Variants in KAT7 observed in about 807,000 individuals in gnomAD.
The protein encoded by KAT7 is lysine acetyltransferase 7.
A neutral mutation model predicts 82.1 loss-of-function variants in KAT7; 10 were observed. That is an observed-to-expected ratio of 0.12 (90% CI 0.08 to 0.21). KAT7 has a LOEUF of 0.21. KAT7 is among the 10% of genes least tolerant of loss of function. The probability of loss-of-function intolerance (pLI) is 1.00; values close to 1 mark genes in which losing one functional copy is unlikely to be tolerated. For synonymous variants in KAT7, 250 were observed against 262.5 expected, an observed-to-expected ratio of 0.95 and a Z score of 0.46; for missense variants, 378 against 760.9, an observed-to-expected ratio of 0.50 and a Z score of 5.92.
intron 9 of KAT7, among the ~76,000 whole-genome samples, chr17:49,819,982 C>T (rs1020085447): frequency 9.2e-5 from 14 of 152,328 alleles, no homozygotes; most frequent in African/African-American, 2.9e-4. Flanking sequence ...GGGCCAGGTG[C>T]GGTGGCTCAT....
At chr17:49,790,000 C>A (rs1213302420) in intron 1 of KAT7, 2 of 152,224 alleles carry the variant, frequency 1.3e-5, no homozygotes, top group African/African-American at 4.8e-5. Flanking sequence ...TTAAGATTCC[C>A]CCTTCATTTC....
chr17:49,794,227 T>C lies in KAT7; in HGVS notation c.163+2194T>C, dbSNP rs77198474. On this transcript the variant is annotated intron_variant, in intron 2 of 14. Coordinates refer to ENST00000259021, the MANE Select transcript of KAT7 (RefSeq NM_007067.5). ...GGCTGTGAGAGGGGTTTGCATAGAG[T>C]ACTACATAAGCCCAGAGGTGGGACA... is the stretch of plus-strand genomic sequence containing the variant. Among the ~76,000 whole-genome samples the C allele has an allele frequency of 6.0e-3, 920 of 152,164 alleles. 10 individuals carry two copies. Among genetic ancestry groups the C allele is most frequent in the African/African-American group, 0.021 (884 of 41,508 alleles).
At chr17:49,815,948 G>T (rs757854135) in intron 8 of KAT7, 35 bp downstream of exon 8, 17 of 1,274,988 alleles carry the variant, frequency 1.3e-5, no homozygotes, top group Non-Finnish European at 1.9e-5. Flanking sequence ...AAGGCCGCTT[G>T]TGAAAGGTGC....
Position 49,792,031 on chromosome 17 carries a change from A to G in KAT7, c.161A>G (p.Gln54Arg), listed in dbSNP as rs1373282777. Residue 54 changes from glutamine (Q) to arginine (R), a missense_variant and splice_region_variant, in exon 2 of 15, where the codon CAA (glutamine) becomes CGA (arginine). Physicochemically the swap from Gln to Arg is conservative, Grantham distance 43. This residue lies in a region of KAT7 where 161 missense variants were observed against 229.6 expected (regional missense o/e 0.70). Coordinates refer to ENST00000259021, the MANE Select transcript of KAT7 (RefSeq NM_007067.5). ...RSSARLSQSS[Q>R]DSSPVRNLQS... Reference sequence around the variant, plus strand: ...TCAGCCAGGCTAAGCCAGAGTTCTCAAGGTAAAAAAACCTTCATTTTTCCT... The same window carrying G: ...TCAGCCAGGCTAAGCCAGAGTTCTCGAGGTAAAAAAACCTTCATTTTTCCT... 2.5e-6 allele frequency: 4 copies of G among 1,613,502 alleles called. No homozygotes were observed. Among genetic ancestry groups the G allele is most frequent in the Non-Finnish European group, 3.4e-6 (4 of 1,179,620 alleles).
At chr17:49,825,947 A>T in intron 12 of KAT7, 53 bp from the exon 13 acceptor site, 1 of 1,552,350 alleles carries the variant, frequency 6.4e-7, no homozygotes, top group Admixed American at 1.9e-5. Context: ...GTTTTTTGCT[A>T]TTAGGATAAG....
At chr17:49,807,515 C>T (rs2074106321) in intron 5 of KAT7, among the ~76,000 whole-genome samples, 1 of 152,170 alleles carries the variant, frequency 6.6e-6, no homozygotes, top group African/African-American at 2.4e-5. Flanking sequence ...CATAAAGGAC[C>T]TTGTGGACCT....
chr17:49,791,615 G>T (rs1191199143), intron 1 of KAT7, among the ~76,000 whole-genome samples: 1 of 152,208 alleles, frequency 6.6e-6, no homozygotes, highest in Non-Finnish European at 1.5e-5. Flanking sequence ...CCACGATTGC[G>T]CCCTTGCACT....
intron 12 of KAT7, chr17:49,824,515 A>G (rs1474712065): frequency 6.6e-6 from 1 of 152,188 alleles, no homozygotes; most frequent in East Asian, 1.9e-4. Flanking sequence ...ATGTGCCACC[A>G]CGCCCAGCTA....
At chr17:49,821,272 C>G in intron 9 of KAT7, 65 bp from the exon 10 acceptor site, 1 of 1,215,526 alleles carries the variant, frequency 8.2e-7, no homozygotes, top group Non-Finnish European at 1.2e-6. Flanking sequence ...CATTCCTTTT[C>G]CCTTTTGAGG....
chr17:49,819,955 A>T (rs546474801), intron 9 of KAT7, among the ~76,000 whole-genome samples: 1 of 152,368 alleles, frequency 6.6e-6, no homozygotes, highest in East Asian at 1.9e-4. Flanking sequence ...AAATTTGCTT[A>T]ATAGAAAGTG....
chr17:49,794,406 C>G (rs2073928306), intron 2 of KAT7, among the ~76,000 whole-genome samples: 1 of 152,248 alleles, frequency 6.6e-6, no homozygotes, highest in South Asian at 2.1e-4. Context: ...CTGCCCCAGC[C>G]TCCCAAGTAG....
Position 49,833,960 on chromosome 17 carries a change from A to G in KAT7, c.*6458A>G, listed in dbSNP as rs930424755. On this transcript the variant is annotated 3_prime_UTR_variant, in exon 15 of 15. Coordinates refer to ENST00000259021, the MANE Select transcript of KAT7 (RefSeq NM_007067.5). ...TAGAGGAAGGCTACCACCTTGTGCAATTCCAGGGGACACTGTTTATGTTCC... is the reference window on the plus strand; with the variant it reads ...TAGAGGAAGGCTACCACCTTGTGCAGTTCCAGGGGACACTGTTTATGTTCC... 6.6e-6 allele frequency: 1 copy of G among 152,182 alleles called. No homozygotes were observed. The highest frequency in any genetic ancestry group is 1.5e-5 in the Non-Finnish European group (1 of 68,022). The allele number at this position is 152,182 out of a possible 1,614,324, so 9.4% of individuals were successfully genotyped here. A position where few individuals can be genotyped will look rare whatever the true frequency, so the allele number is the denominator to read the frequency against.
chr17:49,803,765 GCCTGAATGTCCTAAAATCAC>G (rs2143892348), intron 4 of KAT7, among the ~76,000 whole-genome samples: 1 of 152,122 alleles, frequency 6.6e-6, no homozygotes, highest in East Asian at 1.9e-4. Context: ...AGAAATGATG[GCCTGAATGTCCTAAAATCAC>G]CCATTCACCA....
chr17:49,820,644 T>A (rs1806875575), intron 9 of KAT7, among the ~76,000 whole-genome samples: 1 of 151,970 alleles, frequency 6.6e-6, no homozygotes, highest in Admixed American at 6.6e-5. Flanking sequence ...GCTGGCTGGC[T>A]GCATTAAAAC....
Position 49,833,964 on chromosome 17 carries a change from C to T in KAT7, c.*6462C>T, listed in dbSNP as rs1415940475. 1 of 152,114 alleles carries T rather than the reference C, an allele frequency of 6.6e-6. No homozygotes were observed. Among genetic ancestry groups the T allele is most frequent in the Admixed American group, 6.5e-5 (1 of 15,270 alleles). The allele number at this position is 152,114 out of a possible 1,614,324, so 9.4% of individuals were successfully genotyped here. A position where few individuals can be genotyped will look rare whatever the true frequency, so the allele number is the denominator to read the frequency against. On this transcript the variant is annotated 3_prime_UTR_variant, in exon 15 of 15. Transcript: ENST00000259021. Reference sequence around the variant, plus strand: ...GGAAGGCTACCACCTTGTGCAATTCCAGGGGACACTGTTTATGTTCCGTGT... The same window carrying T: ...GGAAGGCTACCACCTTGTGCAATTCTAGGGGACACTGTTTATGTTCCGTGT...
At chr17:49,817,017 T>C (rs1158807853) in intron 8 of KAT7, among the ~76,000 whole-genome samples, 2 of 152,152 alleles carry the variant, frequency 1.3e-5, no homozygotes, top group Admixed American at 6.5e-5. Flanking sequence ...TCTAGAATTA[T>C]CATGCACATT....
At chr17:49,792,462 G>T (rs528853931) in intron 2 of KAT7, among the ~76,000 whole-genome samples, 10 of 152,076 alleles carry the variant, frequency 6.6e-5, no homozygotes, top group Admixed American at 6.5e-4. Flanking sequence ...TTACAGTGGT[G>T]CTAAAACAAT....
At position 49,831,669 on chromosome 17, in the gene KAT7, T is replaced by C. The variant is rs1422414394; in HGVS notation, c.*4167T>C. On this transcript the variant is annotated 3_prime_UTR_variant, in exon 15 of 15. Transcript: ENST00000259021. ...GGGATAATGAGTCATATTAAGTAATTTTTTTTTTTGAGACGGAGTTTCGTT... is the reference window on the plus strand; with the variant it reads ...GGGATAATGAGTCATATTAAGTAATCTTTTTTTTTGAGACGGAGTTTCGTT... 1.3e-5 allele frequency: 2 copies of C among 151,144 alleles called. No individual in the cohort carries two copies. Among genetic ancestry groups the C allele is most frequent in the Admixed American group, 1.3e-4 (2 of 15,148 alleles). The allele number at this position is 151,144 out of a possible 1,614,324, so 9.4% of individuals were successfully genotyped here.
At chr17:49,797,672 A>C (rs1010563481) in intron 3 of KAT7, among the ~76,000 whole-genome samples, 1 of 152,260 alleles carries the variant, frequency 6.6e-6, no homozygotes, top group Non-Finnish European at 1.5e-5. Flanking sequence ...CAATGATTTC[A>C]TATAAAAACC....
Sources: gnomAD v4.1 joint callset for allele counts (sites outside exome capture counted in the v4.1 genomes callset) on GRCh38, gnomAD v4.1.1 for gene constraint, gnomAD v4.1.1 regional missense constraint, MANE v1.5 for transcripts, NCBI Gene and HGNC (gene_info 2026-07-23, HGNC 2026-07-21) for gene names.